Variants in PLEKHG4 observed in about 807,000 individuals in gnomAD.
PLEKHG4 encodes pleckstrin homology and RhoGEF domain containing G4.
Under a neutral mutation model 136.9 loss-of-function variants are expected in PLEKHG4, and 85 were observed. The ratio of observed to expected loss-of-function variants is 0.62; its 90% CI spans 0.52 to 0.74. The LOEUF (loss-of-function observed/expected upper bound fraction) is 0.74, where lower values mean the gene tolerates loss of function less well. Among genes scored for constraint, PLEKHG4 ranks in the 30% least tolerant of loss-of-function variants. PLEKHG4 has a pLI of 0.00. For missense variants in PLEKHG4, 1,317 were observed against 1,527.8 expected, an observed-to-expected ratio of 0.86 and a Z score of 2.30; for synonymous variants, 577 against 646.9, an observed-to-expected ratio of 0.89 and a Z score of 1.64.
Position 67,288,373 on chromosome 16 carries a change from G to A in PLEKHG4, c.3427G>A (p.Ala1143Thr). The A allele has an allele frequency of 6.2e-7, 1 of 1,611,582 alleles. No individual in the cohort carries two copies. The highest frequency in any genetic ancestry group is 8.5e-7 in the Non-Finnish European group (1 of 1,179,940). The change falls in exon 20 of 22, where the codon GCA (alanine) becomes ACA (threonine). Residue 1143 changes from alanine to threonine, a missense_variant. Transcript: ENST00000379344. Reference protein sequence around the residue: ...FPEEAALEAEAELGGQPSLTA... With the variant: ...FPEEAALEAETELGGQPSLTA... ...AGAGGAAGCAGCACTGGAGGCTGAG[G>A]CAGAGCTGGGCGGCCAGCCCTCTTT...
chr16:67,277,790 T>G (rs1165352863), upstream of PLEKHG4: 1 of 152,398 alleles, frequency 6.6e-6, no homozygotes, highest in Non-Finnish European at 1.5e-5. Flanking sequence ...CTGTGCTGGA[T>G]GCTGAAAGTA....
rs2036344602 is a variant in PLEKHG4 at position 67,284,042 on chromosome 16, T to G, written c.1510-233T>G. Among the ~76,000 whole-genome samples, 1 of 151,706 alleles carries G rather than the reference T, an allele frequency of 6.6e-6. No individual in the cohort carries two copies. Among genetic ancestry groups the G allele is most frequent in the Non-Finnish European group, 1.5e-5 (1 of 67,916 alleles). ...CGCTGGGGACGGGGCAGAGTGGAGC[T>G]GGAGAGGGCTGGTGCGGAGGGCGAG... On this transcript the variant is annotated intron_variant, in intron 11 of 21. Transcript: ENST00000379344. The surrounding 1 kb of genome is among the most constrained non-coding windows in gnomAD (Gnocchi z 4.4).
chr16:67,286,482 C>G lies in PLEKHG4; in HGVS notation c.2570C>G (p.Ala857Gly), dbSNP rs1485359833. The G allele has an allele frequency of 6.2e-7, 1 of 1,607,452 alleles. No homozygotes were observed. Among genetic ancestry groups the G allele is most frequent in the Non-Finnish European group, 8.5e-7 (1 of 1,176,364 alleles). Residue 857 changes from alanine to glycine, a missense_variant, in exon 16 of 22, where the codon GCC (alanine) becomes GGC (glycine). Coordinates refer to ENST00000379344, the MANE Select transcript of PLEKHG4 (RefSeq NM_001129729.3). ...QQALGDHLDLASYLLKPIQRM... is the reference protein window; with the variant it reads ...QQALGDHLDLGSYLLKPIQRM... ...GCACTGGGGGACCACCTGGACCTGG[C>G]CTCCTACCTGCTAAAGCCCATCCAG...
Position 67,284,260 on chromosome 16 carries a change from T to C in PLEKHG4, c.1510-15T>C. On this transcript the variant is annotated splice_polypyrimidine_tract_variant and intron_variant, in intron 11 of 21. Coordinates refer to ENST00000379344, the MANE Select transcript of PLEKHG4 (RefSeq NM_001129729.3). This position sits in a 1 kb window ranked among gnomAD's most constrained non-coding sequence, Gnocchi z 4.4. Reference sequence around the variant, plus strand: ...CCAGGCCTGGGCTGGCTGAGCCTAGTCTCTGTCTCTGCAGGAGCAGGTCAG... The same window carrying C: ...CCAGGCCTGGGCTGGCTGAGCCTAGCCTCTGTCTCTGCAGGAGCAGGTCAG... 1 of 1,612,474 alleles carries C rather than the reference T, an allele frequency of 6.2e-7. No individual in the cohort carries two copies.
rs2036425452 is a variant in PLEKHG4, at chr16:67,285,433, G to A, written c.2339G>A (p.Gly780Asp). 6.2e-7 allele frequency: 1 copy of A among 1,614,182 alleles called. No homozygotes were observed. Among genetic ancestry groups the A allele is most frequent in the Non-Finnish European group, 8.5e-7 (1 of 1,180,044 alleles). Residue 780 changes from glycine to aspartate, a missense_variant, in exon 14 of 22, where the codon GGC becomes GAC. Gly to Asp is a moderately conservative substitution (Grantham distance 94, BLOSUM62 -1). Transcript: ENST00000379344. ...GLRGQRAHLF[G>D]NLEKLRDFHC... ...CGCGGTCAGCGTGCCCACCTCTTTG[G>A]CAACCTGGAGAAGCTGCGGGACTTC...
chr16:67,287,533 G>C (rs1194287277), intron 18 of PLEKHG4: 1 of 486,678 alleles, frequency 2.1e-6, no homozygotes, highest in Non-Finnish European at 3.8e-6. Flanking sequence ...CCAAGTAGCT[G>C]AGACTACAGG....
intron 19 of PLEKHG4, 64 bp from the exon 20 acceptor site, chr16:67,288,103 T>TCCTTGGGATCTGGGGGCCAGAGCCTA: frequency 5.8e-6 from 9 of 1,557,918 alleles, no homozygotes; most frequent in Non-Finnish European, 8.0e-6. Context: ...GCCCGCACTT[T>TCCTTGGGATCTGGGGGCCAGAGCCTA]CCTTGGGATC....
Position 67,288,943 on chromosome 16 carries a change from C to G in PLEKHG4, c.*135C>G, listed in dbSNP as rs2036619286. 1 of 993,538 alleles carries G rather than the reference C, an allele frequency of 1.0e-6. No individual in the cohort carries two copies. The highest frequency in any genetic ancestry group is 1.6e-5 in the African/African-American group (1 of 62,684). The allele number at this position is 993,538 out of a possible 1,614,324, so 61.5% of individuals were successfully genotyped here. ...TACATGTGCAACGCTGTTGACTACCCTTTCTGATGTGTGTGGCCATTGGAC... is the reference window on the plus strand; with the variant it reads ...TACATGTGCAACGCTGTTGACTACCGTTTCTGATGTGTGTGGCCATTGGAC... On this transcript the variant is annotated 3_prime_UTR_variant, in exon 22 of 22. Transcript: ENST00000379344.
At position 67,285,035 on chromosome 16, in the gene PLEKHG4, T is replaced by C. The variant is rs776495115; in HGVS notation, c.2015T>C (p.Leu672Pro). 3 of 1,613,418 alleles carry C rather than the reference T, an allele frequency of 1.9e-6. No individual in the cohort carries two copies. The highest frequency in any genetic ancestry group is 2.7e-5 in the African/African-American group (2 of 74,930). Reference protein sequence around the residue: ...QVPAAPAHPPLRKAYSFDRNL... With the variant: ...QVPAAPAHPPPRKAYSFDRNL... Reference sequence around the variant, plus strand: ...CCCGCTGCACCTGCCCACCCTCCCCTGAGGAAGGCCTACAGCTTCGATCGG... The same window carrying C: ...CCCGCTGCACCTGCCCACCCTCCCCCGAGGAAGGCCTACAGCTTCGATCGG... The change falls in exon 13 of 22, where the codon CTG (leucine) becomes CCG (proline). Residue 672 changes from leucine (L) to proline (P), a missense_variant. By Grantham distance (98) the Leu-to-Pro change is moderately conservative. Transcript: ENST00000379344.
In PLEKHG4 at chr16:67,279,938, C is replaced by A; in HGVS notation, c.-107C>A. The A allele has an allele frequency of 8.5e-7, 1 of 1,171,862 alleles. No homozygotes were observed. Among genetic ancestry groups the A allele is most frequent in the Non-Finnish European group, 1.2e-6 (1 of 828,914 alleles). 72.6% of individuals were successfully genotyped at this position (1,171,862 alleles called of 1,614,324 possible). A position where few individuals can be genotyped will look rare whatever the true frequency, so the allele number is the denominator to read the frequency against. On this transcript the variant is annotated 5_prime_UTR_variant, in exon 2 of 22. Coordinates refer to ENST00000379344, the MANE Select transcript of PLEKHG4 (RefSeq NM_001129729.3). ...GGCACCTCCTGCGGCCCATGCCCTT[C>A]GCCTGCATTGCCCACTGAGTCCCAC...
chr16:67,288,605 G>A lies in PLEKHG4; in HGVS notation c.3570+1G>A, dbSNP rs774044021. The A allele has an allele frequency of 3.1e-6, 5 of 1,614,022 alleles. No individual in the cohort carries two copies. The South Asian group carries it at 4.4e-5, about 14-fold the overall frequency. ...TAGGGGCCTGGAGGACTTACCCTGTGTGAGTGCCATTTGCCCTATACCCAC... is the reference window on the plus strand; with the variant it reads ...TAGGGGCCTGGAGGACTTACCCTGTATGAGTGCCATTTGCCCTATACCCAC... On this transcript the variant is annotated splice_donor_variant, in intron 21 of 21. Coordinates refer to ENST00000379344, the MANE Select transcript of PLEKHG4 (RefSeq NM_001129729.3). LOFTEE classifies it high-confidence loss of function.
At position 67,280,184 on chromosome 16, in the gene PLEKHG4, G is replaced by A; in HGVS notation, c.140G>A (p.Gly47Asp). ...TCCCAGATGCACGTTAAGGACCCAG[G>A]TCCTCCAAGACCACCAGCCGGGGCC... is the stretch of plus-strand genomic sequence containing the variant. ...PASQMHVKDP[G>D]PPRPPAGATQ... Residue 47 changes from glycine to aspartate, a missense_variant, in exon 2 of 22, where the codon GGT becomes GAT. Coordinates refer to ENST00000379344, the MANE Select transcript of PLEKHG4 (RefSeq NM_001129729.3). This position sits in a 1 kb window ranked among gnomAD's most constrained non-coding sequence, Gnocchi z 4.4. The A allele has an allele frequency of 6.2e-7, 1 of 1,613,908 alleles. No homozygotes were observed. The highest frequency in any genetic ancestry group is 8.5e-7 in the Non-Finnish European group (1 of 1,179,990).
chr16:67,286,898 T>G lies in PLEKHG4; in HGVS notation c.2904T>G (p.Phe968Leu). The change falls in exon 17 of 22, where the codon TTT (phenylalanine) becomes TTG (leucine). Residue 968 changes from phenylalanine (F) to leucine (L), a missense_variant. Transcript: ENST00000379344. ...PRHGPTGVDTFAYKRSFKMAD... is the reference protein window; with the variant it reads ...PRHGPTGVDTLAYKRSFKMAD... The stretch of plus-strand genomic sequence containing the variant: ...ATGGGCCCACAGGGGTTGACACATT[T>G]GCCTACAAGCGCTCCTTCAAGGTAG... The G allele has an allele frequency of 6.2e-7, 1 of 1,613,994 alleles. No individual in the cohort carries two copies. The highest frequency in any genetic ancestry group is 8.5e-7 in the Non-Finnish European group (1 of 1,180,002).
rs1013767490 is a variant in PLEKHG4, at chr16:67,289,336, G to A, written c.*528G>A. The A allele has an allele frequency of 2.9e-5, 14 of 477,560 alleles. 1 individual carries two copies. The Admixed American group carries it at 4.2e-4, about 14-fold the overall frequency. The allele number at this position is 477,560 out of a possible 1,614,324, so 29.6% of individuals were successfully genotyped here. A position where few individuals can be genotyped will look rare whatever the true frequency, so the allele number is the denominator to read the frequency against. ...TGGGGCAGTTTCGTTATTTTGACTT[G>A]ATGCCTTTTGAATAACTTTCAATAG... On this transcript the variant is annotated 3_prime_UTR_variant, in exon 22 of 22. Transcript: ENST00000379344.
At chr16:67,287,447 T>C in intron 18 of PLEKHG4, 1 of 551,798 alleles carries the variant, frequency 1.8e-6, no homozygotes, top group South Asian at 2.0e-5. Context: ...TCGCCCAGGA[T>C]GGCGTGCAGT....
intron 4 of PLEKHG4, 29 bp downstream of exon 4, chr16:67,281,034 C>T (rs373837124): frequency 1.2e-6 from 2 of 1,613,860 alleles, no homozygotes; most frequent in Non-Finnish European, 8.5e-7. Flanking sequence ...GGAGACTGAG[C>T]CTGAGCCAGC....
chr16:67,286,432 C>T lies in PLEKHG4; in HGVS notation c.2533-13C>T, dbSNP rs371705313. The stretch of plus-strand genomic sequence containing the variant: ...GCCCCCAAACCACTCAGTGGCCTCC[C>T]ATCCGCCCACAGGACAAGCAGCAAG... On this transcript the variant is annotated splice_polypyrimidine_tract_variant and intron_variant, in intron 15 of 21. Transcript: ENST00000379344. 3.1e-6 allele frequency: 5 copies of T among 1,611,698 alleles called. No homozygotes were observed. The East Asian group carries it at 6.7e-5, about 22-fold the overall frequency.
In PLEKHG4 at chr16:67,284,016, G is replaced by A. The variant is rs943224509; in HGVS notation, c.1510-259G>A. Among the ~76,000 whole-genome samples, 2 of 152,118 alleles carry A rather than the reference G, an allele frequency of 1.3e-5. No homozygotes were observed. The highest frequency in any genetic ancestry group is 2.9e-5 in the Non-Finnish European group (2 of 68,016). On this transcript the variant is annotated intron_variant, in intron 11 of 21. Transcript: ENST00000379344. The surrounding 1 kb of genome is among the most constrained non-coding windows in gnomAD (Gnocchi z 4.4). ...AGTTGGAGTCAGTGAGGCCTGAGAAGCGCTGGGGACGGGGCAGAGTGGAGC... is the reference window on the plus strand; with the variant it reads ...AGTTGGAGTCAGTGAGGCCTGAGAAACGCTGGGGACGGGGCAGAGTGGAGC...
Position 67,288,585 on chromosome 16 carries a change from G to T in PLEKHG4, c.3551G>T (p.Gly1184Val). 1 of 1,614,050 alleles carries T rather than the reference G, an allele frequency of 6.2e-7. No individual in the cohort carries two copies. Among genetic ancestry groups the T allele is most frequent in the East Asian group, 2.2e-5 (1 of 44,876 alleles). ...GTGTCAGGGCAGGCCCTGGGTAGGG[G>T]CCTGGAGGACTTACCCTGTGTGAGT... ...SCVSGQALGRGLEDLPCV is the reference protein window; with the variant it reads ...SCVSGQALGRVLEDLPCV Residue 1184 changes from glycine (G) to valine (V), a missense_variant, in exon 21 of 22, where the codon GGC becomes GTC. By Grantham distance (109) the Gly-to-Val change is moderately radical. Coordinates refer to ENST00000379344, the MANE Select transcript of PLEKHG4 (RefSeq NM_001129729.3).
Sources: gnomAD v4.1 joint callset for allele counts (sites outside exome capture counted in the v4.1 genomes callset) on GRCh38, gnomAD v4.1.1 for gene constraint, Gnocchi (gnomAD v3.1) non-coding constraint, MANE v1.5 for transcripts, NCBI Gene and HGNC (gene_info 2026-07-23, HGNC 2026-07-21) for gene names.